Variants in PTPRO observed in about 807,000 individuals in gnomAD.
PTPRO encodes the protein protein tyrosine phosphatase receptor type O.
A neutral mutation model predicts 145.2 loss-of-function variants in PTPRO; 62 were observed. The ratio of observed to expected loss-of-function variants is 0.43; its 90% confidence interval spans 0.35 to 0.53. The LOEUF (loss-of-function observed/expected upper bound fraction) is 0.53, where lower values mean the gene tolerates loss of function less well. Ranked by LOEUF, PTPRO falls within the 20% of genes least tolerant of loss-of-function variation. The pLI is 0.01. For missense variants in PTPRO, 1,345 were observed against 1,482.7 expected, an observed-to-expected ratio of 0.91 and a Z score of 1.53; for synonymous variants, 565 against 514.7, an observed-to-expected ratio of 1.10 and a Z score of -1.32.
chr12:15,475,719 C>T (rs912244990), intron 1 of PTPRO, among the ~76,000 whole-genome samples: 2 of 152,096 alleles, frequency 1.3e-5, no homozygotes, highest in African/African-American at 4.8e-5. Context: ...CAGGATTCCC[C>T]ATTCACTAAG....
At chr12:15,406,231 G>T (rs549323855) in intron 1 of PTPRO, among the ~76,000 whole-genome samples, 1 of 152,136 alleles carries the variant, frequency 6.6e-6, no homozygotes, top group African/African-American at 2.4e-5. Context: ...TCTATCTTCT[G>T]CTGGCCACTT....
intron 9 of PTPRO, among the ~76,000 whole-genome samples, chr12:15,518,028 A>AT (rs1942635732): frequency 9.4e-4 from 1 of 1,066 alleles, no homozygotes; most frequent in Admixed American, 0.01. Context: ...TTCCTTTTAC[A>AT]TTGCCTAGCA....
intron 1 of PTPRO, among the ~76,000 whole-genome samples, chr12:15,458,966 C>T (rs1941242046): frequency 6.6e-6 from 1 of 152,072 alleles, no homozygotes; most frequent in Admixed American, 6.6e-5. Context: ...ATGGACTGGC[C>T]TCAAACAAAA....
chr12:15,566,660 A>G (rs1368048722), intron 18 of PTPRO, among the ~76,000 whole-genome samples: 2 of 152,246 alleles, frequency 1.3e-5, no homozygotes, highest in East Asian at 1.9e-4. Flanking sequence ...AGCTAATACT[A>G]CAGGCACACG....
intron 1 of PTPRO, among the ~76,000 whole-genome samples, chr12:15,405,450 C>G (rs1179889536): frequency 6.6e-6 from 1 of 152,150 alleles, no homozygotes; most frequent in Non-Finnish European, 1.5e-5. Context: ...ATCAGAAACT[C>G]TAATTGATCA....
chr12:15,536,638 G>A (rs528516892), intron 12 of PTPRO, among the ~76,000 whole-genome samples: 2 of 152,270 alleles, frequency 1.3e-5, no homozygotes, highest in East Asian at 1.9e-4. Context: ...GGTTTCACTG[G>A]GTCACTCTGG....
intron 8 of PTPRO, among the ~76,000 whole-genome samples, chr12:15,515,954 T>G (rs1334048525): frequency 6.6e-6 from 1 of 150,472 alleles, no homozygotes; most frequent in Non-Finnish European, 1.5e-5. Context: ...AAGTTGTTTG[T>G]TTTTTTTGTT....
intron 1 of PTPRO, among the ~76,000 whole-genome samples, chr12:15,420,286 CATG>C (rs1940108687): frequency 6.6e-6 from 1 of 151,652 alleles, no homozygotes; most frequent in African/African-American, 2.4e-5. Context: ...CTTAGCATGT[CATG>C]AGAACTTCCA....
At position 15,549,230 on chromosome 12, in the gene PTPRO, A is replaced by C; in HGVS notation, c.2437+4A>C. ...TTCATAGCCGTCTCAACAATGGGTAATTATACACATTAGTGTATAATTTTC... is the reference window on the plus strand; with the variant it reads ...TTCATAGCCGTCTCAACAATGGGTACTTATACACATTAGTGTATAATTTTC... On this transcript the variant is annotated splice_donor_region_variant and intron_variant, in intron 14 of 26. Transcript: ENST00000281171. 6.3e-7 allele frequency: 1 copy of C among 1,596,404 alleles called. No individual in the cohort carries two copies. The highest frequency in any genetic ancestry group is 8.5e-7 in the Non-Finnish European group (1 of 1,172,772).
At chr12:15,475,557 A>G (rs1016777522) in intron 1 of PTPRO, among the ~76,000 whole-genome samples, 75 of 152,342 alleles carry the variant, frequency 4.9e-4, no homozygotes, top group African/African-American at 1.7e-3. Context: ...TTTGAGATAC[A>G]AAAATTCTGA....
intron 1 of PTPRO, among the ~76,000 whole-genome samples, chr12:15,460,677 T>G (rs1394331244): frequency 4.6e-5 from 7 of 152,214 alleles, no homozygotes; most frequent in Admixed American, 4.6e-4. Context: ...GTTGATTTGG[T>G]AAGTTTTTGA....
At chr12:15,476,391 C>T (rs78676203) in intron 1 of PTPRO, among the ~76,000 whole-genome samples, 3 of 151,940 alleles carry the variant, frequency 2.0e-5, no homozygotes, top group Non-Finnish European at 4.4e-5. Context: ...TCATGTCCTT[C>T]GCCCACTTTT....
chr12:15,324,652 CTTTAT>C (rs1866396091), intron 1 of PTPRO, among the ~76,000 whole-genome samples: 1 of 151,872 alleles, frequency 6.6e-6, no homozygotes, highest in Non-Finnish European at 1.5e-5. Flanking sequence ...AATCATTTTC[CTTTAT>C]TTTATGTGAA....
intron 1 of PTPRO, among the ~76,000 whole-genome samples, chr12:15,349,569 C>A (rs1937722526): frequency 6.6e-6 from 1 of 152,172 alleles, no homozygotes; most frequent in South Asian, 2.1e-4. Flanking sequence ...CAACACTTTA[C>A]ATATATAATT....
intron 7 of PTPRO, among the ~76,000 whole-genome samples, chr12:15,512,428 A>G (rs1384303497): frequency 6.6e-6 from 1 of 152,172 alleles, no homozygotes; most frequent in Non-Finnish European, 1.5e-5. Context: ...AGCAATGTTG[A>G]TAATATAACA....
At chr12:15,385,831 A>AAAG (rs1323938259) in intron 1 of PTPRO, among the ~76,000 whole-genome samples, 43 of 150,590 alleles carry the variant, frequency 2.9e-4, no homozygotes, top group Middle Eastern at 3.4e-3. Context: ...AAAAAAAAAA[A>AAAG]AAGAAGAAGA....
At chr12:15,333,063 A>G (rs1866658454) in intron 1 of PTPRO, among the ~76,000 whole-genome samples, 1 of 152,190 alleles carries the variant, frequency 6.6e-6, no homozygotes, top group Non-Finnish European at 1.5e-5. Context: ...CCAATAACAA[A>G]TTGAGTAGAA....
intron 1 of PTPRO, among the ~76,000 whole-genome samples, chr12:15,425,267 T>C (rs1940253345): frequency 6.6e-6 from 1 of 152,180 alleles, no homozygotes; most frequent in Non-Finnish European, 1.5e-5. Flanking sequence ...CCAAGTTTTA[T>C]TCTAATGTTT....
intron 1 of PTPRO, among the ~76,000 whole-genome samples, chr12:15,364,946 C>A (rs1938317404): frequency 6.6e-6 from 1 of 152,144 alleles, no homozygotes; most frequent in Admixed American, 6.6e-5. Flanking sequence ...AGAAACAATG[C>A]CATTTTTAAT....
Sources: allele counts gnomAD v4.1 joint callset (sites outside exome capture counted in the v4.1 genomes callset), GRCh38; gene constraint gnomAD v4.1.1; transcripts MANE v1.5; gene names NCBI Gene and HGNC (gene_info 2026-07-23, HGNC 2026-07-21).